MAGI2: variants seen among roughly 807,000 people sequenced by gnomAD.
MAGI2 encodes the protein membrane associated guanylate kinase, WW and PDZ domain containing 2.
MAGI2 carries 35 observed loss-of-function variants against 133.3 expected under a neutral mutation model. That is an observed-to-expected ratio of 0.26 (90% confidence interval 0.20 to 0.35). The LOEUF (loss-of-function observed/expected upper bound fraction) is 0.35. Among genes scored for constraint, MAGI2 ranks in the 10% least tolerant of loss-of-function variants. The pLI is 1.00. For missense variants in MAGI2, 1,636 were observed against 1,863.4 expected (o/e 0.88, Z 2.25); for synonymous variants, 729 against 710.6 (o/e 1.03, Z -0.41).
chr7:78,631,014 T>A (rs957328147), intron 2 of MAGI2, among the ~76,000 whole-genome samples: 2 of 151,950 alleles, frequency 1.3e-5, no homozygotes, highest in Non-Finnish European at 2.9e-5. Context: ...ATTTTTGTGG[T>A]CTCCATCCTC....
intron 9 of MAGI2, among the ~76,000 whole-genome samples, chr7:78,327,438 A>AT (rs1372312488): frequency 6.6e-6 from 1 of 152,154 alleles, no homozygotes. Context: ...GGCTACCCCA[A>AT]TTTCAATGAG....
At chr7:79,120,374 A>G (rs979869010) in intron 1 of MAGI2, among the ~76,000 whole-genome samples, 1 of 152,086 alleles carries the variant, frequency 6.6e-6, no homozygotes, top group East Asian at 1.9e-4. Context: ...AATGATATGC[A>G]AGATGGAAGT....
intron 2 of MAGI2, among the ~76,000 whole-genome samples, chr7:78,948,894 A>G (rs567099063): frequency 6.6e-6 from 1 of 152,206 alleles, no homozygotes; most frequent in East Asian, 1.9e-4. Flanking sequence ...TTTATCCTAT[A>G]ATAATCTGAA....
intron 20 of MAGI2, among the ~76,000 whole-genome samples, chr7:78,083,733 C>T (rs1017732592): frequency 4.6e-5 from 7 of 152,310 alleles, no homozygotes; most frequent in South Asian, 2.1e-4. Context: ...TACATCATAG[C>T]GGATTTTTCT....
intron 2 of MAGI2, among the ~76,000 whole-genome samples, chr7:78,883,261 C>CACAAAACAAA (rs371642782): frequency 6.6e-6 from 1 of 151,776 alleles, no homozygotes; most frequent in Admixed American, 6.6e-5. Context: ...TAGACACACA[C>CACAAAACAAA]ACAAAACAAA....
chr7:78,813,742 C>T (rs866432860), intron 2 of MAGI2, among the ~76,000 whole-genome samples: 18 of 140,966 alleles, frequency 1.3e-4, no homozygotes, highest in Admixed American at 2.2e-4. Flanking sequence ...GCTGAGATCG[C>T]GCCACTGAAC....
At chr7:79,395,352 A>T (rs1844969986) in intron 1 of MAGI2, among the ~76,000 whole-genome samples, 1 of 152,204 alleles carries the variant, frequency 6.6e-6, no homozygotes, top group South Asian at 2.1e-4. Flanking sequence ...AAAATGTGTT[A>T]ATGATTATGA....
At chr7:79,264,388 A>T (rs1320300633) in intron 1 of MAGI2, among the ~76,000 whole-genome samples, 2 of 152,210 alleles carry the variant, frequency 1.3e-5, no homozygotes, top group African/African-American at 4.8e-5. Flanking sequence ...TTCCTGTGTG[A>T]GGATTCCAGA....
In MAGI2 at chr7:78,367,100, A is replaced by AACACACACACACACACACACAC. The variant is rs6150177; in HGVS notation, c.1103+2034_1103+2055dup. Among the ~76,000 whole-genome samples, 700 of 146,870 alleles carry AACACACACACACACACACACAC rather than the reference A, an allele frequency of 4.8e-3. 2 individuals are homozygous for AACACACACACACACACACACAC. The highest frequency in any genetic ancestry group is 0.01 in the Middle Eastern group (3 of 286). ...TGTACACAGAAGTATAATGTAGGCA[A>AACACACACACACACACACACAC]ACACACACACACACACACACACACA... On this transcript the variant is annotated intron_variant, in intron 7 of 21. Coordinates refer to ENST00000354212, the MANE Select transcript of MAGI2 (RefSeq NM_012301.4).
rs1167279117 is a variant in MAGI2, at chr7:78,506,418, T to C, written c.755-4631A>G. On this transcript the variant is annotated intron_variant, in intron 4 of 21. Transcript: ENST00000354212. ...TGAAAGAAAACAGCATATGGCTAGATGGTACTATAATTTTAGCCATGAGTA... is the reference window on the plus strand; with the variant it reads ...TGAAAGAAAACAGCATATGGCTAGACGGTACTATAATTTTAGCCATGAGTA... Among the ~76,000 whole-genome samples, 2 of 152,136 alleles carry C rather than the reference T, an allele frequency of 1.3e-5. 1 individual carries two copies. Among genetic ancestry groups the C allele is most frequent in the South Asian group, 4.2e-4 (2 of 4,818 alleles).
intron 10 of MAGI2, among the ~76,000 whole-genome samples, chr7:78,217,285 T>C (rs540127709): frequency 5.9e-5 from 9 of 152,206 alleles, no homozygotes; most frequent in Non-Finnish European, 1.3e-4. Context: ...TTCAGGTGCA[T>C]GTTTCTGGGA....
intron 2 of MAGI2, among the ~76,000 whole-genome samples, chr7:78,746,270 G>T (rs963402953): frequency 6.6e-6 from 1 of 152,146 alleles, no homozygotes; most frequent in Non-Finnish European, 1.5e-5. Flanking sequence ...AAATGATGAA[G>T]CTCAAAAGAT....
chr7:78,354,916 A>C (rs1791907490), intron 7 of MAGI2, among the ~76,000 whole-genome samples: 1 of 152,194 alleles, frequency 6.6e-6, no homozygotes, highest in African/African-American at 2.4e-5. Flanking sequence ...CTGTTAGGTA[A>C]GGACTCTGGG....
rs182138012 is a variant in MAGI2, at chr7:79,387,447, A to T, written c.301+65573T>A. Among the ~76,000 whole-genome samples, 85 of 152,114 alleles carry T rather than the reference A, an allele frequency of 5.6e-4. 1 individual carries two copies. The highest frequency in any genetic ancestry group is 1.8e-3 in the African/African-American group (75 of 41,530). ...TTTCTAATTCTAAAAAATCAACACT[A>T]CCACGAAAGTAACATTGTTTACTAT... On this transcript the variant is annotated intron_variant, in intron 1 of 21. Coordinates refer to ENST00000354212, the MANE Select transcript of MAGI2 (RefSeq NM_012301.4).
chr7:78,358,162 C>CAAAAAAA (rs1185043187), intron 7 of MAGI2: 3 of 48,738 alleles, frequency 6.2e-5, no homozygotes, highest in Non-Finnish European at 1.1e-4. Flanking sequence ...GACTTTGCCT[C>CAAAAAAA]AAAAAAAAAA....
intron 2 of MAGI2, among the ~76,000 whole-genome samples, chr7:78,676,370 G>A (rs1457319515): frequency 6.6e-6 from 1 of 152,120 alleles, no homozygotes; most frequent in African/African-American, 2.4e-5. Context: ...TTTTCTTGGC[G>A]ATTCAGACCT....
chr7:78,656,802 A>G (rs1258793998), intron 2 of MAGI2, among the ~76,000 whole-genome samples: 1 of 152,200 alleles, frequency 6.6e-6, no homozygotes, highest in Non-Finnish European at 1.5e-5. Context: ...TTTGCCAATT[A>G]TACTTCAATG....
intron 2 of MAGI2, among the ~76,000 whole-genome samples, chr7:78,870,253 G>A (rs1278714092): frequency 6.6e-6 from 1 of 151,650 alleles, no homozygotes; most frequent in Non-Finnish European, 1.5e-5. Context: ...AGGCTGGGGT[G>A]GGAGAATCAC....
chr7:78,981,673 A>G (rs1272046959), intron 2 of MAGI2, among the ~76,000 whole-genome samples: 1 of 151,820 alleles, frequency 6.6e-6, no homozygotes, highest in Admixed American at 6.6e-5. Context: ...TTTAGCTTTA[A>G]AGAAAATTTT....
Sources: allele counts gnomAD v4.1 joint callset (sites outside exome capture counted in the v4.1 genomes callset), GRCh38; gene constraint gnomAD v4.1.1; transcripts MANE v1.5; gene names NCBI Gene and HGNC (gene_info 2026-07-23, HGNC 2026-07-21).